The following GABRB1 variants were observed in gnomAD, a reference collection of about 807,000 sequenced individuals.
GABRB1 encodes the protein gamma-aminobutyric acid type A receptor subunit beta1.
GABRB1 carries 17 observed loss-of-function variants against 51.6 expected under a neutral mutation model. That is an observed-to-expected ratio of 0.33 (90% confidence interval 0.23 to 0.49). The LOEUF is 0.49. Ranked by LOEUF, GABRB1 falls within the 20% of genes least tolerant of loss-of-function variation. The pLI is 0.99. For missense variants in GABRB1, 410 were observed against 600.6 expected, an observed-to-expected ratio of 0.68 and a Z score of 3.32; for synonymous variants, 247 against 218.9, an observed-to-expected ratio of 1.13 and a Z score of -1.14.
intron 4 of GABRB1, among the ~76,000 whole-genome samples, chr4:47,205,841 T>C (rs1192231302): frequency 6.6e-6 from 1 of 152,106 alleles, no homozygotes; most frequent in Non-Finnish European, 1.5e-5. Flanking sequence ...TTTTGCTAAA[T>C]ACGGTATTTT....
At chr4:47,013,375 G>A (rs577089384) in intron 1 of GABRB1, among the ~76,000 whole-genome samples, 91 of 152,208 alleles carry the variant, frequency 6.0e-4, no homozygotes, top group African/African-American at 2.2e-3. Flanking sequence ...GGCCAGGCTG[G>A]TTTCCAACTC....
At chr4:47,324,626 A>G (rs1436738413) in intron 5 of GABRB1, among the ~76,000 whole-genome samples, 1 of 152,166 alleles carries the variant, frequency 6.6e-6, no homozygotes, top group Non-Finnish European at 1.5e-5. Flanking sequence ...TGTTCTCAGA[A>G]AGGTCACAAA....
At chr4:47,177,115 C>G (rs936405439) in intron 4 of GABRB1, among the ~76,000 whole-genome samples, 1 of 152,056 alleles carries the variant, frequency 6.6e-6, no homozygotes, top group African/African-American at 2.4e-5. Context: ...TTAAGAACAT[C>G]ATTGACAATC....
intron 3 of GABRB1, among the ~76,000 whole-genome samples, chr4:47,093,246 T>C (rs1334670881): frequency 6.6e-6 from 1 of 152,238 alleles, no homozygotes; most frequent in African/African-American, 2.4e-5. Flanking sequence ...CTGAAACGAA[T>C]TCTATGATTT....
intron 4 of GABRB1, among the ~76,000 whole-genome samples, chr4:47,204,499 A>AACC (rs1189889572): frequency 1.0e-3 from 153 of 152,016 alleles, no homozygotes; most frequent in Non-Finnish European, 1.4e-3. Context: ...TAACCCTAAC[A>AACC]CTAACCCTAA....
chr4:47,344,910 A>G (rs1726036151), intron 5 of GABRB1, among the ~76,000 whole-genome samples: 1 of 151,866 alleles, frequency 6.6e-6, no homozygotes, highest in Non-Finnish European at 1.5e-5. Flanking sequence ...TTTAGTAGAG[A>G]CGGAGTTTCA....
intron 5 of GABRB1, among the ~76,000 whole-genome samples, chr4:47,326,157 C>T (rs1015147301): frequency 2.0e-5 from 3 of 152,186 alleles, no homozygotes; most frequent in African/African-American, 7.2e-5. Flanking sequence ...TATATGCTGT[C>T]TATACTTCCT....
intron 4 of GABRB1, among the ~76,000 whole-genome samples, chr4:47,309,999 C>T (rs1326491663): frequency 2.0e-5 from 3 of 152,092 alleles, no homozygotes; most frequent in African/African-American, 7.2e-5. Flanking sequence ...TCTTTTCTTT[C>T]CTGTTCCATA....
chr4:47,211,065 T>C (rs1438355020), intron 4 of GABRB1, among the ~76,000 whole-genome samples: 1 of 152,208 alleles, frequency 6.6e-6, no homozygotes, highest in Non-Finnish European at 1.5e-5. Flanking sequence ...CTTTAAAGCA[T>C]TGATTAACCA....
intron 4 of GABRB1, among the ~76,000 whole-genome samples, chr4:47,179,335 T>C (rs1718846969): frequency 6.6e-6 from 1 of 152,138 alleles, no homozygotes; most frequent in Admixed American, 6.6e-5. Flanking sequence ...AGTCTATCAT[T>C]GAAGGGCATA....
rs534130782 is a variant in GABRB1, at chr4:47,034,272, T to A, written c.240+1788T>A. 1.4e-4 allele frequency among the ~76,000 whole-genome samples: 22 copies of A among 152,236 alleles called. No homozygotes were observed. The South Asian group carries it at 1.5e-3, about 10-fold the overall frequency. On this transcript the variant is annotated intron_variant, in intron 3 of 8. Coordinates refer to ENST00000295454, the MANE Select transcript of GABRB1 (RefSeq NM_000812.4). Reference sequence around the variant, plus strand: ...TGACATACCCCTTTTCAGTTTTTTTTAAAACTCAATTAAATAGGGAAGTTG... The same window carrying A: ...TGACATACCCCTTTTCAGTTTTTTTAAAAACTCAATTAAATAGGGAAGTTG...
chr4:47,120,480 G>A (rs982455081), intron 3 of GABRB1, among the ~76,000 whole-genome samples: 27 of 152,084 alleles, frequency 1.8e-4, no homozygotes, highest in African/African-American at 5.6e-4. Context: ...CAGCTGAACT[G>A]GTACCTAAGC....
At position 47,426,078 on chromosome 4, in the gene GABRB1, A is replaced by C; in HGVS notation, c.*60A>C. 7.3e-7 allele frequency: 1 copy of C among 1,369,800 alleles called. No individual in the cohort carries two copies. Among genetic ancestry groups the C allele is most frequent in the Non-Finnish European group, 9.9e-7 (1 of 1,007,838 alleles). The allele number at this position is 1,369,800 out of a possible 1,614,324, so 84.9% of individuals were successfully genotyped here. A position where few individuals can be genotyped will look rare whatever the true frequency, so the allele number is the denominator to read the frequency against. On this transcript the variant is annotated 3_prime_UTR_variant, in exon 9 of 9. Transcript: ENST00000295454. ...CTCTTCTATTGTTTTTTAACCTTAC[A>C]GGTCCCCAACAGCGATACTGCTGTT...
At chr4:47,228,739 G>A (rs959097934) in intron 4 of GABRB1, among the ~76,000 whole-genome samples, 1 of 152,106 alleles carries the variant, frequency 6.6e-6, no homozygotes, top group Non-Finnish European at 1.5e-5. Flanking sequence ...AATTCTGCAG[G>A]ATGATCTCGA....
At chr4:47,068,292 T>G (rs569728907) in intron 3 of GABRB1, among the ~76,000 whole-genome samples, 2 of 152,354 alleles carry the variant, frequency 1.3e-5, no homozygotes, top group South Asian at 4.1e-4. Flanking sequence ...AATAAAGCTA[T>G]TTCACTTTCT....
At chr4:47,110,263 C>T (rs1715161271) in intron 3 of GABRB1, among the ~76,000 whole-genome samples, 1 of 151,932 alleles carries the variant, frequency 6.6e-6, no homozygotes, top group African/African-American at 2.4e-5. Flanking sequence ...TCTTCAATGT[C>T]TCCCTTAAGA....
intron 4 of GABRB1, among the ~76,000 whole-genome samples, chr4:47,308,305 C>G (rs1724542051): frequency 6.6e-6 from 1 of 152,034 alleles, no homozygotes. Context: ...AAAAGACATA[C>G]TACAATGCTA....
chr4:47,254,469 A>G (rs1293296000), intron 4 of GABRB1, among the ~76,000 whole-genome samples: 3 of 134,182 alleles, frequency 2.2e-5, no homozygotes, highest in Non-Finnish European at 4.6e-5. Context: ...GAGTTCACGC[A>G]GTTCTCCTGC....
intron 4 of GABRB1, among the ~76,000 whole-genome samples, chr4:47,170,469 T>C (rs1718394769): frequency 6.6e-6 from 1 of 152,020 alleles, no homozygotes; most frequent in South Asian, 2.1e-4. Flanking sequence ...TTTGGGGTCC[T>C]AAATGTCTAA....
Sources: allele counts gnomAD v4.1 joint callset (sites outside exome capture counted in the v4.1 genomes callset), GRCh38; gene constraint gnomAD v4.1.1; transcripts MANE v1.5; gene names NCBI Gene and HGNC (gene_info 2026-07-23, HGNC 2026-07-21).